The following USP32 variants were observed in gnomAD, a reference collection of about 807,000 sequenced individuals.
USP32 encodes the protein ubiquitin carboxyl-terminal hydrolase 32.
USP32 carries 59 observed loss-of-function variants against 204.8 expected under a neutral mutation model. The observed-to-expected ratio is 0.29, with a 90% confidence interval of 0.23 to 0.36. The LOEUF (loss-of-function observed/expected upper bound fraction) is 0.36, where lower values mean the gene tolerates loss of function less well. Among genes scored for constraint, USP32 ranks in the 10% least tolerant of loss-of-function variants. The probability of loss-of-function intolerance (pLI) is 1.00; values close to 1 mark genes in which losing one functional copy is unlikely to be tolerated. For synonymous variants in USP32, 517 were observed against 678.4 expected (o/e 0.76, Z 3.70); for missense variants, 1,160 against 1,946.4 (o/e 0.60, Z 7.60).
At chr17:60,207,351 A>G (rs2084856434) in intron 24 of USP32, among the ~76,000 whole-genome samples, 1 of 152,106 alleles carries the variant, frequency 6.6e-6, no homozygotes, top group South Asian at 2.1e-4. Context: ...CACAGGAAGA[A>G]GTGTGTTATA....
At chr17:60,219,561 CTTT>C (rs751193414) in intron 16 of USP32, 106 bp downstream of exon 16, 15,229 of 678,562 alleles carry the variant, frequency 0.022, 1 homozygote, top group Non-Finnish European at 0.025. Flanking sequence ...TAGTTTTCAC[CTTT>C]TTTTTTTTTT....
intron 33 of USP32, among the ~76,000 whole-genome samples, chr17:60,179,966 G>A (rs779956297): frequency 7.3e-5 from 11 of 150,090 alleles, no homozygotes; most frequent in Non-Finnish European, 1.2e-4. Flanking sequence ...CACCGTGTTC[G>A]GCCCAACCCC....
At chr17:60,342,994 C>T (rs941740919) in intron 2 of USP32, among the ~76,000 whole-genome samples, 2 of 152,168 alleles carry the variant, frequency 1.3e-5, no homozygotes, top group Non-Finnish European at 2.9e-5. Flanking sequence ...AGAAATCATC[C>T]GTCTTCTGCA....
In USP32 at chr17:60,190,596, G is replaced by T; in HGVS notation, c.3609C>A (p.Ala1203=). ...AYIAVDWDPT[A]LHLRYQTSQE... ...GGGATGTTTGATAGCGAAGGTGAAG[G>T]GCTGTGGGATCCCAATCCACAGCGA... Residue 1203 remains alanine (A), a synonymous_variant, in exon 29 of 34, where the codon GCC becomes GCA. Coordinates refer to ENST00000300896, the MANE Select transcript of USP32 (RefSeq NM_032582.4). The T allele has an allele frequency of 1.3e-6, 2 of 1,599,540 alleles. No homozygotes were observed. The highest frequency in any genetic ancestry group is 1.7e-6 in the Non-Finnish European group (2 of 1,175,642).
At chr17:60,193,401 C>G (rs1440948782) in intron 27 of USP32, among the ~76,000 whole-genome samples, 1 of 152,190 alleles carries the variant, frequency 6.6e-6, no homozygotes, top group Non-Finnish European at 1.5e-5. Context: ...CTTAACTACT[C>G]AGAGTTATAA....
intron 5 of USP32, among the ~76,000 whole-genome samples, chr17:60,280,515 C>T (rs1178417938): frequency 6.6e-6 from 1 of 152,222 alleles, no homozygotes; most frequent in Non-Finnish European, 1.5e-5. Flanking sequence ...GTTCAACTTA[C>T]TGTGACTTCA....
rs778005908 is a variant in USP32 at position 60,219,702 on chromosome 17, C to T, written c.1835G>A (p.Arg612Gln). Residue 612 changes from arginine to glutamine, a missense_variant, in exon 16 of 34, where the codon CGG becomes CAG. By Grantham distance (43) the Arg-to-Gln change is conservative. Around this residue, in one of 8 missense-constraint regions of USP32, gnomAD observed 37 missense variants for 62.6 expected, o/e 0.59. Transcript: ENST00000300896. ...LLFLRQQPAT[R>Q]TQQSNIWVNM... ...CACCCAGATGTTAGACTGCTGTGTC[C>T]GAGTGGCAGGCTGCTGTCTCAGGAA... 32 of 1,612,122 alleles carry T rather than the reference C, an allele frequency of 2.0e-5. No homozygotes were observed. The East Asian group carries it at 2.9e-4, about 15-fold the overall frequency.
intron 26 of USP32, among the ~76,000 whole-genome samples, chr17:60,205,015 ACTC>A (rs1246385933): frequency 6.7e-6 from 1 of 149,240 alleles, no homozygotes; most frequent in Non-Finnish European, 1.5e-5. Flanking sequence ...CTAGCCTTGA[ACTC>A]CTGAGCTAAG....
intron 27 of USP32, among the ~76,000 whole-genome samples, chr17:60,197,601 C>T (rs1224647681): frequency 2.0e-5 from 3 of 151,688 alleles, no homozygotes; most frequent in South Asian, 4.2e-4. Flanking sequence ...CAAAACTCTG[C>T]TGTAAAGGGA....
At chr17:60,279,852 T>TTAATAATAA (rs201455332) in intron 5 of USP32, among the ~76,000 whole-genome samples, 16 of 145,582 alleles carry the variant, frequency 1.1e-4, no homozygotes, top group African/African-American at 4.0e-4. Context: ...ATAATAATAA[T>TTAATAATAA]TAATAATAAT....
At chr17:60,246,145 A>G (rs1167620551) in intron 11 of USP32, among the ~76,000 whole-genome samples, 3 of 151,900 alleles carry the variant, frequency 2.0e-5, no homozygotes, top group Non-Finnish European at 4.4e-5. Context: ...GTATTTTTAC[A>G]GTCATTAACT....
chr17:60,401,744 G>A (rs954785842), intron 1 of USP32, among the ~76,000 whole-genome samples: 67 of 151,028 alleles, frequency 4.4e-4, no homozygotes, highest in Non-Finnish European at 8.9e-4. Context: ...AAAAAAGAAA[G>A]AAAGTAGATC....
chr17:60,277,130 T>C lies in USP32; in HGVS notation c.572-5649A>G, dbSNP rs1457143293. Among the ~76,000 whole-genome samples the C allele has an allele frequency of 2.0e-5, 3 of 152,128 alleles. No individual in the cohort carries two copies. In the South Asian group the frequency reaches 6.2e-4, roughly 32 times the overall value. ...ATGAAAACTTAGTCTATTGGCTAAA[T>C]AAGAATGAATTTATCACCCACCTAT... On this transcript the variant is annotated intron_variant, in intron 5 of 33. Coordinates refer to ENST00000300896, the MANE Select transcript of USP32 (RefSeq NM_032582.4).
intron 1 of USP32, among the ~76,000 whole-genome samples, chr17:60,382,862 C>A (rs975262052): frequency 6.6e-6 from 1 of 152,132 alleles, no homozygotes; most frequent in Non-Finnish European, 1.5e-5. Flanking sequence ...ACTAATCTCA[C>A]AGGAATTTAT....
intron 1 of USP32, chr17:60,422,037 G>A (rs2090125245): frequency 2.6e-6 from 2 of 771,002 alleles, no homozygotes; most frequent in Non-Finnish European, 3.1e-6. Context: ...CACCCAGCAC[G>A]GAGGGCTTAT....
In USP32 at chr17:60,337,837, G is replaced by A. The variant is rs144565273; in HGVS notation, c.186+7644C>T. On this transcript the variant is annotated intron_variant, in intron 2 of 33. Transcript: ENST00000300896. Reference sequence around the variant, plus strand: ...TCGAGGCTACAATGAGCCATGATCGGGCCACTGCACTCCAGCCTGGGAGAC... The same window carrying A: ...TCGAGGCTACAATGAGCCATGATCGAGCCACTGCACTCCAGCCTGGGAGAC... Among the ~76,000 whole-genome samples, 850 of 151,998 alleles carry A rather than the reference G, an allele frequency of 5.6e-3. 3 individuals carry two copies. Among genetic ancestry groups the A allele is most frequent in the Non-Finnish European group, 9.3e-3 (633 of 67,944 alleles).
intron 2 of USP32, among the ~76,000 whole-genome samples, chr17:60,336,029 G>A (rs1169397706): frequency 1.4e-5 from 2 of 142,608 alleles, no homozygotes; most frequent in African/African-American, 3.0e-5. Context: ...TCAGTAGCTC[G>A]GTTAATACAC....
intron 2 of USP32, among the ~76,000 whole-genome samples, chr17:60,306,153 T>C (rs1371952251): frequency 6.6e-6 from 1 of 152,148 alleles, no homozygotes; most frequent in African/African-American, 2.4e-5. Context: ...CCTTTAACAT[T>C]TAGAGAATAT....
chr17:60,399,492 A>G (rs928425639), intron 1 of USP32, among the ~76,000 whole-genome samples: 62 of 151,810 alleles, frequency 4.1e-4, no homozygotes, highest in African/African-American at 1.4e-3. Context: ...CTGTCTCTAC[A>G]AAAAAATTTA....
Sources: gnomAD v4.1 joint callset for allele counts (sites outside exome capture counted in the v4.1 genomes callset) on GRCh38, gnomAD v4.1.1 for gene constraint, gnomAD v4.1.1 regional missense constraint, MANE v1.5 for transcripts, NCBI Gene and HGNC (gene_info 2026-07-23, HGNC 2026-07-21) for gene names.